The following CSMD1 variants were observed in gnomAD, a reference collection of about 807,000 sequenced individuals.
CSMD1 encodes the protein CUB and sushi domain-containing protein 1.
A neutral mutation model predicts 417.5 loss-of-function variants in CSMD1; 213 were observed. The ratio of observed to expected loss-of-function variants is 0.51; its 90% CI spans 0.46 to 0.57. The LOEUF (loss-of-function observed/expected upper bound fraction) is 0.57. CSMD1 is among the 20% of genes least tolerant of loss of function. The pLI, the probability that CSMD1 is intolerant of heterozygous loss-of-function variation, is 0.00. For synonymous variants in CSMD1, 2,862 were observed against 1,736.8 expected, an observed-to-expected ratio of 1.65 and a Z score of -16.11; for missense variants, 6,923 against 4,529.7, an observed-to-expected ratio of 1.53 and a Z score of -15.17.
intron 1 of CSMD1, among the ~76,000 whole-genome samples, chr8:4,778,751 G>C (rs1188386379): frequency 1.3e-5 from 2 of 152,162 alleles, no homozygotes; most frequent in Non-Finnish European, 2.9e-5. Context: ...AGGATTAAAA[G>C]CTCTCATAGT....
intron 4 of CSMD1, among the ~76,000 whole-genome samples, chr8:4,023,225 A>G (rs917292428): frequency 6.6e-6 from 1 of 152,206 alleles, no homozygotes; most frequent in East Asian, 1.9e-4. Flanking sequence ...CAGATGTGAA[A>G]GGTGGCCATC....
At chr8:4,025,903 G>C (rs538159190) in intron 4 of CSMD1, among the ~76,000 whole-genome samples, 130 of 151,746 alleles carry the variant, frequency 8.6e-4, no homozygotes, top group Admixed American at 1.1e-3. Context: ...ACATTTAGGT[G>C]TCATTATTCA....
At chr8:3,742,508 T>C (rs1326133743) in intron 6 of CSMD1, among the ~76,000 whole-genome samples, 1 of 152,228 alleles carries the variant, frequency 6.6e-6, no homozygotes, top group Non-Finnish European at 1.5e-5. Flanking sequence ...TTCTGATGGA[T>C]AGTTGGCACT....
At chr8:3,628,097 T>C (rs143604907) in intron 7 of CSMD1, among the ~76,000 whole-genome samples, 65 of 152,278 alleles carry the variant, frequency 4.3e-4, no homozygotes, top group Admixed American at 9.8e-4. Flanking sequence ...AAAAGAAACA[T>C]AGAAAAAGAC....
At chr8:4,626,193 C>G (rs2130828324) in intron 2 of CSMD1, among the ~76,000 whole-genome samples, 1 of 152,240 alleles carries the variant, frequency 6.6e-6, no homozygotes, top group South Asian at 2.1e-4. Context: ...TTCTTTAGCT[C>G]AGTTTTCCTC....
intron 46 of CSMD1, among the ~76,000 whole-genome samples, chr8:3,097,337 T>C: frequency 6.6e-6 from 1 of 152,202 alleles, no homozygotes; most frequent in Non-Finnish European, 1.5e-5. Flanking sequence ...CAATGCAAGA[T>C]TTCCTAACTC....
chr8:4,610,312 T>G (rs1410382530), intron 2 of CSMD1, among the ~76,000 whole-genome samples: 6 of 152,230 alleles, frequency 3.9e-5, no homozygotes, highest in Non-Finnish European at 8.8e-5. Flanking sequence ...ATCCCTCTAG[T>G]ATTAAATTCA....
intron 49 of CSMD1, among the ~76,000 whole-genome samples, chr8:3,084,855 C>G (rs978939143): frequency 2.0e-5 from 3 of 151,748 alleles, no homozygotes; most frequent in Non-Finnish European, 2.9e-5. Flanking sequence ...TTTAATTGTA[C>G]CACACAACTT....
chr8:3,588,270 A>G (rs1800690869), intron 8 of CSMD1, among the ~76,000 whole-genome samples: 1 of 152,120 alleles, frequency 6.6e-6, no homozygotes, highest in East Asian at 1.9e-4. Context: ...ACAATCTCAT[A>G]TAGATAACAT....
intron 3 of CSMD1, among the ~76,000 whole-genome samples, chr8:4,363,057 G>T (rs748519618): frequency 2.6e-5 from 4 of 152,142 alleles, no homozygotes; most frequent in Admixed American, 6.6e-5. Context: ...GGAGAAAATT[G>T]AATTTTCTCT....
At chr8:4,157,744 C>A (rs992135293) in intron 3 of CSMD1, among the ~76,000 whole-genome samples, 3 of 152,196 alleles carry the variant, frequency 2.0e-5, no homozygotes, top group African/African-American at 7.2e-5. Flanking sequence ...TCCTAGGAGT[C>A]AGGGCCAGGG....
At chr8:4,515,646 A>T (rs944472770) in intron 2 of CSMD1, among the ~76,000 whole-genome samples, 1 of 152,160 alleles carries the variant, frequency 6.6e-6, no homozygotes, top group Non-Finnish European at 1.5e-5. Context: ...TAAAAATGAG[A>T]ACGGATTCCC....
intron 23 of CSMD1, among the ~76,000 whole-genome samples, chr8:3,311,978 TAAC>T (rs1805386145): frequency 6.6e-6 from 1 of 152,154 alleles, no homozygotes; most frequent in African/African-American, 2.4e-5. Flanking sequence ...CAAAAAAGGT[TAAC>T]AAAGTTCTAA....
intron 5 of CSMD1, among the ~76,000 whole-genome samples, chr8:3,797,076 T>C (rs1800193328): frequency 1.3e-5 from 2 of 151,934 alleles, no homozygotes; most frequent in Admixed American, 1.3e-4. Context: ...CTTATTAAGA[T>C]GGACTTCTCC....
intron 4 of CSMD1, among the ~76,000 whole-genome samples, chr8:4,016,293 G>GTACCT: frequency 6.6e-6 from 1 of 152,186 alleles, no homozygotes; most frequent in South Asian, 2.1e-4. Flanking sequence ...CCAGTAGATG[G>GTACCT]AAATAGAAAA....
chr8:4,892,993 G>C (rs1172901373), intron 1 of CSMD1, among the ~76,000 whole-genome samples: 1 of 152,102 alleles, frequency 6.6e-6, no homozygotes, highest in Non-Finnish European at 1.5e-5. Context: ...CGCTTGCACG[G>C]TGTGATACTG....
intron 5 of CSMD1, among the ~76,000 whole-genome samples, chr8:3,858,830 G>C (rs1168772808): frequency 2.6e-5 from 4 of 152,092 alleles, no homozygotes; most frequent in Admixed American, 2.6e-4. Context: ...AACATGACTT[G>C]CATGTTGCAT....
chr8:4,663,956 C>A (rs917016682), intron 1 of CSMD1, among the ~76,000 whole-genome samples: 5 of 152,232 alleles, frequency 3.3e-5, no homozygotes, highest in Admixed American at 2.6e-4. Context: ...GAAAGCTAAT[C>A]CAGATAAGAC....
intron 1 of CSMD1, among the ~76,000 whole-genome samples, chr8:4,975,813 T>C (rs1302523496): frequency 6.7e-6 from 1 of 149,102 alleles, no homozygotes; most frequent in African/African-American, 2.5e-5. Flanking sequence ...GTATGCATTT[T>C]TTTTGCAATA....
Sources: gnomAD v4.1 joint callset for allele counts (sites outside exome capture counted in the v4.1 genomes callset) on GRCh38, gnomAD v4.1.1 for gene constraint, MANE v1.5 for transcripts, NCBI Gene and HGNC (gene_info 2026-07-23, HGNC 2026-07-21) for gene names.